SAMD12: variants seen among roughly 807,000 people sequenced by gnomAD.
SAMD12 encodes sterile alpha motif domain-containing protein 12.
Under a neutral mutation model 15.0 loss-of-function variants are expected in SAMD12, and 9 were observed. The ratio of observed to expected loss-of-function variants is 0.60; its 90% CI spans 0.36 to 1.05. The LOEUF is 1.05. Among genes scored for constraint, SAMD12 ranks in the 50% least tolerant of loss-of-function variants. The pLI is 0.01. For missense variants in SAMD12, 230 were observed against 234.2 expected, an observed-to-expected ratio of 0.98 and a Z score of 0.12; for synonymous variants, 86 against 90.1, an observed-to-expected ratio of 0.96 and a Z score of 0.25.
downstream of SAMD12, among the ~76,000 whole-genome samples, chr8:118,186,576 T>G (rs1257704171): frequency 6.7e-6 from 1 of 150,368 alleles, no homozygotes; most frequent in Non-Finnish European, 1.5e-5. Flanking sequence ...TTTTGAGTCA[T>G]CAATTTCACA....
intron 4 of SAMD12, among the ~76,000 whole-genome samples, chr8:118,319,023 G>C (rs1003322954): frequency 6.6e-6 from 1 of 152,114 alleles, no homozygotes; most frequent in African/African-American, 2.4e-5. Flanking sequence ...AGTTAGTATG[G>C]AGAAGTGAAG....
At chr8:118,614,720 G>C (rs1828198228) in intron 1 of SAMD12, among the ~76,000 whole-genome samples, 1 of 152,352 alleles carries the variant, frequency 6.6e-6, no homozygotes, top group East Asian at 1.9e-4. Flanking sequence ...CTCTGGGAAG[G>C]AGGCTGCTGA....
intron 2 of SAMD12, among the ~76,000 whole-genome samples, chr8:118,523,719 C>A (rs954711237): frequency 6.6e-6 from 1 of 152,120 alleles, no homozygotes; most frequent in Non-Finnish European, 1.5e-5. Context: ...TCTTAGTATT[C>A]CAGGCGTCTC....
chr8:118,308,728 T>G (rs1815470791), intron 4 of SAMD12, among the ~76,000 whole-genome samples: 1 of 152,126 alleles, frequency 6.6e-6, no homozygotes, highest in Non-Finnish European at 1.5e-5. Context: ...TTTTTTTTAC[T>G]TTCTCCATCA....
intron 4 of SAMD12, among the ~76,000 whole-genome samples, chr8:118,237,069 C>T (rs1233166292): frequency 1.3e-5 from 2 of 152,108 alleles, no homozygotes; most frequent in Non-Finnish European, 2.9e-5. Flanking sequence ...GTTATGATAC[C>T]ATGTCCACAG....
chr8:118,456,382 T>C (rs148906296), intron 2 of SAMD12, among the ~76,000 whole-genome samples: 49 of 152,308 alleles, frequency 3.2e-4, no homozygotes, highest in African/African-American at 1.1e-3. Flanking sequence ...CTTCACTATA[T>C]CCCTTATGGT....
At chr8:118,508,616 G>A (rs535320341) in intron 2 of SAMD12, among the ~76,000 whole-genome samples, 7 of 152,294 alleles carry the variant, frequency 4.6e-5, no homozygotes, top group African/African-American at 1.4e-4. Context: ...TTGCATAACT[G>A]CTGCTTCTTT....
chr8:118,198,460 A>G (rs1819626581), intron 4 of SAMD12, among the ~76,000 whole-genome samples: 1 of 152,212 alleles, frequency 6.6e-6, no homozygotes, highest in African/African-American at 2.4e-5. Flanking sequence ...GAATTATTAT[A>G]TGAGTACAAT....
chr8:118,570,856 G>T (rs759765102), intron 2 of SAMD12, among the ~76,000 whole-genome samples: 1 of 152,130 alleles, frequency 6.6e-6, no homozygotes, highest in Non-Finnish European at 1.5e-5. Flanking sequence ...TGCTGTTCTT[G>T]TGACAGTGAA....
chr8:118,586,070 T>C (rs941073051), intron 1 of SAMD12, among the ~76,000 whole-genome samples: 9 of 152,180 alleles, frequency 5.9e-5, no homozygotes, highest in Non-Finnish European at 1.0e-4. Flanking sequence ...ATAGAGACAC[T>C]GTGAAAACAC....
intron 1 of SAMD12, among the ~76,000 whole-genome samples, chr8:118,619,812 G>T (rs1828345704): frequency 5.9e-5 from 9 of 152,098 alleles, no homozygotes; most frequent in Admixed American, 5.9e-4. Flanking sequence ...AAAAAGGAGG[G>T]CTGGGACAGT....
chr8:118,310,017 T>C (rs1198415470), intron 4 of SAMD12, among the ~76,000 whole-genome samples: 1 of 152,216 alleles, frequency 6.6e-6, no homozygotes, highest in Non-Finnish European at 1.5e-5. Context: ...ACTTTCCTTA[T>C]AGAACAGGAA....
At chr8:118,263,437 T>G (rs1046895130) in intron 4 of SAMD12, among the ~76,000 whole-genome samples, 5 of 152,050 alleles carry the variant, frequency 3.3e-5, no homozygotes, top group Non-Finnish European at 1.5e-5. Context: ...TGTGAAACTC[T>G]TCAGACACAC....
At chr8:118,348,419 G>T (rs1253181865) in intron 4 of SAMD12, among the ~76,000 whole-genome samples, 1 of 151,080 alleles carries the variant, frequency 6.6e-6, no homozygotes, top group African/African-American at 2.4e-5. Context: ...TGCCTAGGCT[G>T]GAGTGCAGTG....
chr8:118,469,919 AAAG>A (rs1285396679), intron 2 of SAMD12, among the ~76,000 whole-genome samples: 1 of 152,138 alleles, frequency 6.6e-6, no homozygotes, highest in African/African-American at 2.4e-5. Flanking sequence ...ATTACATTCA[AAAG>A]AAGCCACATG....
chr8:118,619,478 CA>C (rs33947611), intron 1 of SAMD12, among the ~76,000 whole-genome samples: 56 of 112,188 alleles, frequency 5.0e-4, no homozygotes, highest in Admixed American at 5.7e-4. Flanking sequence ...GACTCTGTCT[CA>C]AAAAAAAAAA....
chr8:118,533,677 C>T (rs995922604), intron 2 of SAMD12, among the ~76,000 whole-genome samples: 80 of 152,070 alleles, frequency 5.3e-4, no homozygotes, highest in Non-Finnish European at 1.0e-3. Context: ...TTGAATTGAT[C>T]CCTTTACCAT....
At chr8:118,189,760 G>A (rs911476047) in exon 5 of SAMD12, 9 of 151,962 alleles carry the variant, frequency 5.9e-5, no homozygotes, top group Non-Finnish European at 1.2e-4. Flanking sequence ...TATGGAAATC[G>A]GTGGTTCAAA....
At chr8:118,543,199 A>ACTCCCGC (rs1298062203) in intron 2 of SAMD12, among the ~76,000 whole-genome samples, 1 of 151,798 alleles carries the variant, frequency 6.6e-6, no homozygotes, top group African/African-American at 2.4e-5. Context: ...AGACTTGCTG[A>ACTCCCGC]CTCCCGCCTC....
Sources: gnomAD v4.1 joint callset for allele counts (sites outside exome capture counted in the v4.1 genomes callset) on GRCh38, gnomAD v4.1.1 for gene constraint, MANE v1.5 for transcripts, NCBI Gene and HGNC (gene_info 2026-07-23, HGNC 2026-07-21) for gene names.